FHIT: variants seen among roughly 807,000 people sequenced by gnomAD.
FHIT encodes the protein bis(5'-adenosyl)-triphosphatase.
A neutral mutation model predicts 17.9 loss-of-function variants in FHIT; 19 were observed. The ratio of observed to expected loss-of-function variants is 1.06; its 90% confidence interval spans 0.74 to 1.56. FHIT has a LOEUF of 1.56. FHIT is among the 40% of genes most tolerant of loss of function. The pLI is 0.00. For synonymous variants in FHIT, 81 were observed against 69.7 expected (o/e 1.16, Z -0.81); for missense variants, 248 against 189.2 (o/e 1.31, Z -1.82).
In FHIT at chr3:60,891,666, T is replaced by G. The variant is rs141375763; in HGVS notation, c.-110-69655A>C. Among the ~76,000 whole-genome samples the G allele has an allele frequency of 2.0e-3, 305 of 152,332 alleles. 1 individual carries two copies. Among genetic ancestry groups the G allele is most frequent in the African/African-American group, 7.0e-3 (291 of 41,574 alleles). On this transcript the variant is annotated intron_variant, in intron 3 of 9. Transcript: ENST00000492590. Reference sequence around the variant, plus strand: ...CTAGGCTGTTTTGAGTTGTATTTGCTATCTCTTGCAATCATTCTCAGAAAC... The same window carrying G: ...CTAGGCTGTTTTGAGTTGTATTTGCGATCTCTTGCAATCATTCTCAGAAAC...
At chr3:59,838,229 A>G (rs1187148721) in intron 8 of FHIT, among the ~76,000 whole-genome samples, 1 of 151,682 alleles carries the variant, frequency 6.6e-6, no homozygotes, top group Admixed American at 6.6e-5. Context: ...CCCACTCTCT[A>G]CCCAAACAAC....
intron 5 of FHIT, among the ~76,000 whole-genome samples, chr3:60,111,465 A>G (rs1395442316): frequency 6.6e-6 from 1 of 152,256 alleles, no homozygotes. Flanking sequence ...CTGACACCCT[A>G]GAAAAATGAT....
rs555388187 is a variant in FHIT at position 60,505,292 on chromosome 3, A to G, written c.103+31568T>C. Among the ~76,000 whole-genome samples the G allele has an allele frequency of 1.1e-4, 16 of 152,286 alleles. No homozygotes were observed. The South Asian group carries it at 3.3e-3, about 32-fold the overall frequency. On this transcript the variant is annotated intron_variant, in intron 5 of 9. Transcript: ENST00000492590. ...TTGCAATTAGGATGGTCTCATTTAT[A>G]TTGGGACTTCACTACTTACTAGGTG... is the stretch of plus-strand genomic sequence containing the variant.
chr3:60,598,209 C>T (rs1429812598), intron 4 of FHIT, among the ~76,000 whole-genome samples: 1 of 151,998 alleles, frequency 6.6e-6, no homozygotes, highest in African/African-American at 2.4e-5. Context: ...AAAGAGAGGG[C>T]ATTTTCCAGA....
At chr3:61,068,149 C>A (rs1381758289) in intron 2 of FHIT, among the ~76,000 whole-genome samples, 1 of 152,148 alleles carries the variant, frequency 6.6e-6, no homozygotes, top group Non-Finnish European at 1.5e-5. Flanking sequence ...AAACTTTGGG[C>A]TTAAAACAAC....
At chr3:59,806,718 G>GTATATACATATATATGTGTATATACATA (rs1559623181) in intron 8 of FHIT, among the ~76,000 whole-genome samples, 1 of 12,834 alleles carries the variant, frequency 7.8e-5, no homozygotes, top group East Asian at 7.4e-4. Context: ...ATATACATAT[G>GTATATACATATATATGTGTATATACATA]TATATACATA....
intron 3 of FHIT, among the ~76,000 whole-genome samples, chr3:60,911,766 G>A (rs1706756910): frequency 6.6e-6 from 1 of 152,124 alleles, no homozygotes; most frequent in African/African-American, 2.4e-5. Flanking sequence ...ACCTCTAACA[G>A]TAGTAGCTTC....
chr3:59,817,588 A>G (rs1700647163), intron 8 of FHIT, among the ~76,000 whole-genome samples: 1 of 151,532 alleles, frequency 6.6e-6, no homozygotes, highest in South Asian at 2.1e-4. Context: ...AAAGAAAGAA[A>G]GAAAGAAAAG....
intron 7 of FHIT, among the ~76,000 whole-genome samples, chr3:60,009,161 TTTTATGTGTGTGTGTGTG>T (rs1457248414): frequency 9.9e-5 from 7 of 71,036 alleles, no homozygotes; most frequent in East Asian, 7.4e-4. Flanking sequence ...TTCTCTGGGA[TTTTATGTGTGTGTGTGTG>T]TGTGTGTGTG....
chr3:60,935,561 A>G (rs998051774), intron 3 of FHIT, among the ~76,000 whole-genome samples: 3 of 152,224 alleles, frequency 2.0e-5, no homozygotes, highest in Non-Finnish European at 4.4e-5. Flanking sequence ...CCACACAGAA[A>G]TGGCCCCACA....
chr3:60,195,258 T>G (rs1405819852), intron 5 of FHIT, among the ~76,000 whole-genome samples: 1 of 151,756 alleles, frequency 6.6e-6, no homozygotes, highest in Non-Finnish European at 1.5e-5. Flanking sequence ...CCAGAAACAA[T>G]AGATGTTGAC....
chr3:60,333,290 G>A (rs1184769952), intron 5 of FHIT, among the ~76,000 whole-genome samples: 1 of 152,170 alleles, frequency 6.6e-6, no homozygotes, highest in Non-Finnish European at 1.5e-5. Flanking sequence ...CATGAGTCAA[G>A]GGGGAAACAA....
intron 3 of FHIT, among the ~76,000 whole-genome samples, chr3:60,976,175 T>G (rs1470702426): frequency 7.3e-6 from 1 of 137,698 alleles, no homozygotes. Context: ...GGTGGGATCT[T>G]GGCTCACTGC....
chr3:59,981,110 G>A (rs1708635632), intron 7 of FHIT, among the ~76,000 whole-genome samples: 1 of 152,176 alleles, frequency 6.6e-6, no homozygotes, highest in African/African-American at 2.4e-5. Flanking sequence ...TGGGTCCATG[G>A]AGAAATAAGT....
chr3:61,145,566 C>A (rs1191403777), intron 2 of FHIT, among the ~76,000 whole-genome samples: 6 of 151,944 alleles, frequency 3.9e-5, no homozygotes, highest in Non-Finnish European at 8.8e-5. Context: ...AATAAAAAAA[C>A]AGCTGGGATT....
intron 5 of FHIT, among the ~76,000 whole-genome samples, chr3:60,188,650 T>C (rs57447955): frequency 0.011 from 1,720 of 152,290 alleles, 29 homozygotes; most frequent in African/African-American, 0.04. Flanking sequence ...TAATTCAGCT[T>C]TTCCAAACTT....
intron 2 of FHIT, among the ~76,000 whole-genome samples, 163 bp from the exon 3 acceptor site, chr3:61,042,262 G>C (rs2033554449): frequency 6.6e-6 from 1 of 152,168 alleles, no homozygotes; most frequent in Non-Finnish European, 1.5e-5. Flanking sequence ...AAAGCAGCTA[G>C]TATCACCCTG....
At chr3:60,621,072 T>C (rs2039111690) in intron 4 of FHIT, among the ~76,000 whole-genome samples, 1 of 152,044 alleles carries the variant, frequency 6.6e-6, no homozygotes, top group Non-Finnish European at 1.5e-5. Flanking sequence ...AGTGATGTTT[T>C]CACACCAATC....
intron 8 of FHIT, among the ~76,000 whole-genome samples, chr3:59,874,430 A>G (rs1703060379): frequency 2.6e-5 from 4 of 152,208 alleles, no homozygotes; most frequent in Admixed American, 2.6e-4. Context: ...ATTGGAGGTT[A>G]CTGAGCCCCA....
Sources: allele counts gnomAD v4.1 joint callset (sites outside exome capture counted in the v4.1 genomes callset), GRCh38; gene constraint gnomAD v4.1.1; transcripts MANE v1.5; gene names NCBI Gene and HGNC (gene_info 2026-07-23, HGNC 2026-07-21).